The following SNX8 variants were observed in gnomAD, a reference collection of about 807,000 sequenced individuals.
The protein encoded by SNX8 is sorting nexin-8.
Under a neutral mutation model 51.6 loss-of-function variants are expected in SNX8, and 25 were observed. The ratio of observed to expected loss-of-function variants is 0.48; its 90% CI spans 0.35 to 0.68. SNX8 has a LOEUF of 0.68. Among genes scored for constraint, SNX8 ranks in the 30% least tolerant of loss-of-function variants. The pLI is 0.00. For synonymous variants in SNX8, 324 were observed against 277.0 expected (o/e 1.17, Z -1.68); for missense variants, 695 against 624.0 (o/e 1.11, Z -1.21).
chr7:2,272,280 G>A (rs979625826), intron 3 of SNX8, among the ~76,000 whole-genome samples: 9 of 152,204 alleles, frequency 5.9e-5, no homozygotes, highest in African/African-American at 1.2e-4. Flanking sequence ...AATCACCTCC[G>A]TTAAAGACAT....
At chr7:2,341,811 G>GC (rs1239579746) in intron 1 of SNX8, among the ~76,000 whole-genome samples, 2 of 151,120 alleles carry the variant, frequency 1.3e-5, no homozygotes, top group African/African-American at 4.9e-5. Context: ...ACATGGTGAA[G>GC]CCCCGTCTCT....
intron 1 of SNX8, among the ~76,000 whole-genome samples, chr7:2,343,509 A>G (rs1352444542): frequency 6.6e-6 from 1 of 151,652 alleles, no homozygotes; most frequent in Non-Finnish European, 1.5e-5. Context: ...CCCCGTCTCT[A>G]CTAAAAATAC....
At chr7:2,311,315 C>T (rs1340155989) in intron 1 of SNX8, among the ~76,000 whole-genome samples, 1 of 152,226 alleles carries the variant, frequency 6.6e-6, no homozygotes, top group Non-Finnish European at 1.5e-5. Flanking sequence ...CCTTAGTGAA[C>T]GTGTAAGTCA....
intron 1 of SNX8, among the ~76,000 whole-genome samples, chr7:2,345,086 C>T (rs1359042315): frequency 6.6e-6 from 1 of 152,028 alleles, no homozygotes; most frequent in Non-Finnish European, 1.5e-5. Flanking sequence ...TATCCTGTGA[C>T]CCGCAAATCC....
Position 2,271,853 on chromosome 7 carries a change from G to T in SNX8, c.537C>A (p.Gly179=). The T allele has an allele frequency of 1.2e-6, 2 of 1,606,136 alleles. No homozygotes were observed. Residue 179 remains glycine, a synonymous_variant, in exon 4 of 11, where the codon GGC becomes GGA. Transcript: ENST00000222990. ...VVLKLFLSFS[G]SDVQNKLKES... ...TGGGCAGGGCAGACACACTCACCGAGCCGCTGAAGGACAGGAAGAGCTTGA... is the reference window on the plus strand; with the variant it reads ...TGGGCAGGGCAGACACACTCACCGATCCGCTGAAGGACAGGAAGAGCTTGA...
At chr7:2,301,809 G>A (rs1194909599) in intron 1 of SNX8, among the ~76,000 whole-genome samples, 1 of 152,108 alleles carries the variant, frequency 6.6e-6, no homozygotes, top group Non-Finnish European at 1.5e-5. Flanking sequence ...GTCGAGTTCT[G>A]TCTCCTAACT....
intron 7 of SNX8, among the ~76,000 whole-genome samples, chr7:2,262,487 T>G (rs1795359824): frequency 1.3e-5 from 2 of 152,122 alleles, no homozygotes; most frequent in African/African-American, 4.8e-5. Flanking sequence ...GAGCACTGCC[T>G]GAGGTTGTGT....
intron 9 of SNX8, 127 bp downstream of exon 9, chr7:2,257,238 T>C: frequency 8.0e-7 from 1 of 1,242,476 alleles, no homozygotes; most frequent in East Asian, 2.5e-5. Flanking sequence ...CTGCCTCCAC[T>C]GCACCCCCAG....
rs1373573122 is a variant in SNX8 at position 2,269,341 on chromosome 7, TC to T, written c.621+217del. 2.7e-5 allele frequency among the ~76,000 whole-genome samples: 4 copies of T among 150,232 alleles called. No homozygotes were observed. The East Asian group carries it at 7.8e-4, about 29-fold the overall frequency. ...CATGCTCGTTAAGAGTCATCACCACTCCCTAATCTCAAGTAATCAGGGACAC... is the reference window on the plus strand; with the variant it reads ...CATGCTCGTTAAGAGTCATCACCACTCCTAATCTCAAGTAATCAGGGACAC... On this transcript the variant is annotated intron_variant, in intron 5 of 10. Coordinates refer to ENST00000222990, the MANE Select transcript of SNX8 (RefSeq NM_013321.4).
At chr7:2,331,540 C>A (rs1234539549) in intron 1 of SNX8, among the ~76,000 whole-genome samples, 2 of 151,746 alleles carry the variant, frequency 1.3e-5, no homozygotes, top group Non-Finnish European at 2.9e-5. Flanking sequence ...CCCGTCTCCA[C>A]TAAAAATACA....
intron 1 of SNX8, among the ~76,000 whole-genome samples, chr7:2,324,281 TTTTC>T (rs1320267251): frequency 6.7e-5 from 10 of 148,748 alleles, no homozygotes; most frequent in East Asian, 3.9e-4. Context: ...CCCATCTCTA[TTTTC>T]TTTCTTTCTT....
chr7:2,339,426 G>A (rs191903896), intron 1 of SNX8, among the ~76,000 whole-genome samples: 4 of 151,058 alleles, frequency 2.6e-5, no homozygotes, highest in Admixed American at 2.0e-4. Flanking sequence ...GGCCAAGATG[G>A]TCTCGATCTC....
At chr7:2,318,020 G>A (rs1420368435), upstream of SNX8, among the ~76,000 whole-genome samples, 3 of 151,956 alleles carry the variant, frequency 2.0e-5, no homozygotes, top group Non-Finnish European at 2.9e-5. Flanking sequence ...CCTGTGCCAC[G>A]CACACATATA....
intron 1 of SNX8, among the ~76,000 whole-genome samples, chr7:2,301,960 C>T (rs554783382): frequency 5.3e-4 from 81 of 152,226 alleles, no homozygotes; most frequent in African/African-American, 1.9e-3. Context: ...AGTTGGGGAT[C>T]GGCCAGGCGC....
At chr7:2,269,219 T>C (rs1795577379) in intron 5 of SNX8, among the ~76,000 whole-genome samples, 1 of 150,980 alleles carries the variant, frequency 6.6e-6, no homozygotes, top group Non-Finnish European at 1.5e-5. Context: ...CCTGTTGATC[T>C]GTGACCTTAC....
At chr7:2,339,520 C>G (rs768398970) in intron 1 of SNX8, among the ~76,000 whole-genome samples, 2 of 152,036 alleles carry the variant, frequency 1.3e-5, no homozygotes, top group Non-Finnish European at 2.9e-5. Context: ...AAAAGAAGAT[C>G]TAAAGAGATG....
chr7:2,312,955 T>C (rs1796686646), intron 1 of SNX8, among the ~76,000 whole-genome samples: 1 of 152,118 alleles, frequency 6.6e-6, no homozygotes, highest in Non-Finnish European at 1.5e-5. Context: ...TGGAGTGCAG[T>C]GGCGCTATCT....
chr7:2,326,602 C>A (rs1562458818), intron 1 of SNX8, among the ~76,000 whole-genome samples: 1 of 151,494 alleles, frequency 6.6e-6, no homozygotes, highest in Non-Finnish European at 1.5e-5. Context: ...GGAGGCAGAG[C>A]TTGCAGTGAG....
At chr7:2,262,804 C>T (rs1795368353) in intron 7 of SNX8, among the ~76,000 whole-genome samples, 1 of 152,348 alleles carries the variant, frequency 6.6e-6, no homozygotes, top group African/African-American at 2.4e-5. Context: ...CAGGGCACAG[C>T]TGTCATTCAC....
Sources: allele counts gnomAD v4.1 joint callset (sites outside exome capture counted in the v4.1 genomes callset), GRCh38; gene constraint gnomAD v4.1.1; transcripts MANE v1.5; gene names NCBI Gene and HGNC (gene_info 2026-07-23, HGNC 2026-07-21).